GRM8: variants seen among roughly 807,000 people sequenced by gnomAD.
GRM8 encodes the protein glutamate metabotropic receptor 8.
GRM8 carries 47 observed loss-of-function variants against 87.2 expected under a neutral mutation model. The observed-to-expected ratio is 0.54, with a 90% CI of 0.43 to 0.69. GRM8 has a LOEUF of 0.69. GRM8 is among the 30% of genes least tolerant of loss of function. The pLI is 0.00. For synonymous variants in GRM8, 396 were observed against 404.5 expected (o/e 0.98, Z 0.25); for missense variants, 1,019 against 1,139.2 (o/e 0.89, Z 1.52).
At chr7:127,043,534 A>T (rs191711892) in intron 3 of GRM8, among the ~76,000 whole-genome samples, 119 of 152,246 alleles carry the variant, frequency 7.8e-4, no homozygotes, top group African/African-American at 2.4e-3. Context: ...CAAACACCAC[A>T]TGTTCTCACT....
chr7:126,760,556 C>A (rs1334037393), intron 7 of GRM8, among the ~76,000 whole-genome samples: 7 of 152,062 alleles, frequency 4.6e-5, no homozygotes, highest in African/African-American at 9.7e-5. Context: ...ATGTTTCCTT[C>A]ATCAGAAACA....
intron 3 of GRM8, among the ~76,000 whole-genome samples, chr7:126,908,951 G>A (rs188422375): frequency 1.5e-3 from 229 of 152,288 alleles, no homozygotes; most frequent in Middle Eastern, 0.01. Flanking sequence ...TTAGAAGACT[G>A]GGATTATTTC....
chr7:127,043,004 C>T (rs908023209), intron 3 of GRM8, among the ~76,000 whole-genome samples: 1 of 152,160 alleles, frequency 6.6e-6, no homozygotes. Flanking sequence ...CCAAAAGACA[C>T]ATGAAAAAAG....
At chr7:126,944,592 T>A (rs1807327023) in intron 3 of GRM8, among the ~76,000 whole-genome samples, 1 of 152,216 alleles carries the variant, frequency 6.6e-6, no homozygotes, top group Non-Finnish European at 1.5e-5. Context: ...CCAGAATCCA[T>A]CTTAAATTTC....
At chr7:126,571,742 A>ATTTTTTT (rs202148877) in intron 8 of GRM8, among the ~76,000 whole-genome samples, 1 of 141,126 alleles carries the variant, frequency 7.1e-6, no homozygotes. Context: ...AATATACAGG[A>ATTTTTTT]TTTTTTTTTT....
chr7:126,616,326 A>G (rs182211084), intron 7 of GRM8, among the ~76,000 whole-genome samples: 13 of 152,364 alleles, frequency 8.5e-5, no homozygotes, highest in Admixed American at 8.5e-4. Context: ...TTTGAAACCA[A>G]TGAGAACAAA....
At chr7:126,440,429 A>AC (rs1212527895) in intron 10 of GRM8, among the ~76,000 whole-genome samples, 5 of 151,104 alleles carry the variant, frequency 3.3e-5, no homozygotes, top group African/African-American at 1.2e-4. Context: ...AAAAAAAAAA[A>AC]AAAAATTTAC....
chr7:126,563,022 G>A (rs545642211), intron 8 of GRM8, among the ~76,000 whole-genome samples: 18 of 152,254 alleles, frequency 1.2e-4, no homozygotes, highest in African/African-American at 3.1e-4. Context: ...AGCTGTTTCC[G>A]TACTGCCCAT....
intron 6 of GRM8, among the ~76,000 whole-genome samples, chr7:126,811,206 C>T (rs1204208332): frequency 1.3e-5 from 2 of 152,012 alleles, no homozygotes; most frequent in Admixed American, 1.3e-4. Flanking sequence ...TCTGGCTACT[C>T]TATTCTGTTC....
intron 3 of GRM8, among the ~76,000 whole-genome samples, chr7:127,092,786 G>A (rs1229125530): frequency 2.0e-5 from 3 of 152,204 alleles, no homozygotes; most frequent in African/African-American, 4.8e-5. Context: ...AGGCTGTGAG[G>A]TGGCATGCGT....
intron 3 of GRM8, among the ~76,000 whole-genome samples, chr7:126,941,443 T>TAAA (rs11453714): frequency 1.5e-4 from 19 of 128,868 alleles, no homozygotes; most frequent in African/African-American, 5.6e-4. Flanking sequence ...CCATCTCTAC[T>TAAA]AAAAAAAAAA....
At chr7:127,234,864 A>G (rs1309697646) in intron 2 of GRM8, among the ~76,000 whole-genome samples, 2 of 152,210 alleles carry the variant, frequency 1.3e-5, no homozygotes, top group East Asian at 3.9e-4. Context: ...AACAGCTATG[A>G]GAAGAGCCCA....
At chr7:126,744,607 C>G (rs183522285) in intron 7 of GRM8, among the ~76,000 whole-genome samples, 4 of 152,088 alleles carry the variant, frequency 2.6e-5, no homozygotes, top group Non-Finnish European at 4.4e-5. Context: ...TAAAGCACAA[C>G]ATAGACCAAT....
chr7:127,155,428 T>G (rs186257865), intron 2 of GRM8, among the ~76,000 whole-genome samples: 2 of 152,312 alleles, frequency 1.3e-5, no homozygotes, highest in East Asian at 3.9e-4. Flanking sequence ...TAAAATAAAA[T>G]ATCTTCCAAA....
At chr7:126,788,409 C>CAAAAAAAAAAAAAACAACAAAAAAAA (rs1554492183) in intron 6 of GRM8, among the ~76,000 whole-genome samples, 5 of 10,798 alleles carry the variant, frequency 4.6e-4, no homozygotes, top group Admixed American at 1.4e-3. Context: ...GACTCCATCT[C>CAAAAAAAAAAAAAACAACAAAAAAAA]AAAAAAAAAA....
At chr7:126,538,368 GGATTACAAGAAT>G (rs1816096192) in intron 8 of GRM8, among the ~76,000 whole-genome samples, 1 of 152,016 alleles carries the variant, frequency 6.6e-6, no homozygotes. Context: ...CCTGAAGAAA[GGATTACAAGAAT>G]GATTACAAGA....
At chr7:126,622,123 T>G (rs1485121313) in intron 7 of GRM8, among the ~76,000 whole-genome samples, 1 of 152,124 alleles carries the variant, frequency 6.6e-6, no homozygotes, top group Admixed American at 6.5e-5. Context: ...ATGATAAAAT[T>G]TTATTGTCTG....
chr7:126,832,548 T>C (rs1382144957), intron 6 of GRM8, among the ~76,000 whole-genome samples: 3 of 152,324 alleles, frequency 2.0e-5, no homozygotes, highest in African/African-American at 7.2e-5. Flanking sequence ...TTAATATGTT[T>C]GCCTACTTTT....
chr7:127,233,763 C>T (rs912570272), intron 2 of GRM8, among the ~76,000 whole-genome samples: 1 of 152,194 alleles, frequency 6.6e-6, no homozygotes, highest in African/African-American at 2.4e-5. Flanking sequence ...TAATGGCCAA[C>T]ATTGAGAACA....
Sources: gnomAD v4.1 joint callset for allele counts (sites outside exome capture counted in the v4.1 genomes callset) on GRCh38, gnomAD v4.1.1 for gene constraint, MANE v1.5 for transcripts, NCBI Gene and HGNC (gene_info 2026-07-23, HGNC 2026-07-21) for gene names.